The following ZPBP variants were observed in gnomAD, a reference collection of about 807,000 sequenced individuals.
The protein encoded by ZPBP is zona pellucida-binding protein 1.
A neutral mutation model predicts 44.8 loss-of-function variants in ZPBP; 26 were observed. That is an observed-to-expected ratio of 0.58 (90% CI 0.43 to 0.81). ZPBP has a LOEUF of 0.81. ZPBP is among the 30% of genes least tolerant of loss of function. The probability of loss-of-function intolerance (pLI) is 0.00; values close to 1 mark genes in which losing one functional copy is unlikely to be tolerated. For missense variants in ZPBP, 409 were observed against 434.0 expected (o/e 0.94, Z 0.51); for synonymous variants, 174 against 153.2 (o/e 1.14, Z -1.00).
At chr7:49,992,096 A>T (rs945969094) in intron 6 of ZPBP, among the ~76,000 whole-genome samples, 5 of 152,134 alleles carry the variant, frequency 3.3e-5, no homozygotes, top group Non-Finnish European at 7.4e-5. Flanking sequence ...GGATTCTTAG[A>T]GGGTGGTAGA....
intron 2 of ZPBP, among the ~76,000 whole-genome samples, chr7:49,874,271 T>C (rs1375899417): frequency 6.6e-6 from 1 of 152,242 alleles, no homozygotes; most frequent in Non-Finnish European, 1.5e-5. Context: ...AGAATTACAA[T>C]ACTGCATTTT....
At chr7:49,852,156 C>T (rs528076387) in intron 2 of ZPBP, among the ~76,000 whole-genome samples, 60 of 152,360 alleles carry the variant, frequency 3.9e-4, no homozygotes, top group Admixed American at 1.4e-3. Flanking sequence ...CAGAGCTGGT[C>T]TCTCTGCCCT....
At chr7:50,092,935 TTTC>T (rs1803065600) in intron 1 of ZPBP, 130 bp downstream of exon 1, 2 of 1,339,156 alleles carry the variant, frequency 1.5e-6, no homozygotes, top group Non-Finnish European at 2.0e-6. Context: ...AAAATAAGCC[TTTC>T]TTGTCACGTA....
intron 2 of ZPBP, among the ~76,000 whole-genome samples, chr7:49,889,875 G>C (rs1386718059): frequency 1.3e-5 from 2 of 152,136 alleles, no homozygotes; most frequent in Non-Finnish European, 2.9e-5. Flanking sequence ...GAAATAGGGA[G>C]ACCATCTGGC....
At chr7:50,046,456 A>G (rs1246721129) in intron 4 of ZPBP, among the ~76,000 whole-genome samples, 1 of 151,898 alleles carries the variant, frequency 6.6e-6, no homozygotes, top group East Asian at 1.9e-4. Flanking sequence ...TACAAGAAAA[A>G]AAAAATGGCC....
At chr7:50,011,467 C>T (rs1798580896) in intron 6 of ZPBP, among the ~76,000 whole-genome samples, 1 of 152,132 alleles carries the variant, frequency 6.6e-6, no homozygotes, top group South Asian at 2.1e-4. Context: ...ACTATGTGGT[C>T]CTTCACAAGG....
chr7:50,033,174 C>G (rs1457398296), intron 4 of ZPBP, among the ~76,000 whole-genome samples: 1 of 151,824 alleles, frequency 6.6e-6, no homozygotes, highest in Non-Finnish European at 1.5e-5. Flanking sequence ...AAAACATTTG[C>G]CTTTCTCTCT....
chr7:50,003,957 G>A (rs943378955), intron 6 of ZPBP, among the ~76,000 whole-genome samples: 1 of 151,828 alleles, frequency 6.6e-6, no homozygotes, highest in African/African-American at 2.4e-5. Flanking sequence ...AGAGAACATG[G>A]ATAGATGAAC....
At chr7:49,893,872 T>C (rs915154067) in intron 2 of ZPBP, among the ~76,000 whole-genome samples, 1 of 152,198 alleles carries the variant, frequency 6.6e-6, no homozygotes, top group African/African-American at 2.4e-5. Context: ...TTGGGAATTA[T>C]CTGTTGTTTA....
intron 5 of ZPBP, 23 bp from the exon 6 acceptor site, chr7:50,018,339 A>C: frequency 1.2e-5 from 18 of 1,468,706 alleles, no homozygotes; most frequent in Non-Finnish European, 1.7e-5. Context: ...ATTATATTTT[A>C]TCATGGGTAT....
chr7:50,047,297 A>T (rs898592754), intron 4 of ZPBP, among the ~76,000 whole-genome samples: 9 of 151,446 alleles, frequency 5.9e-5, no homozygotes, highest in Admixed American at 1.3e-4. Context: ...AACTATAATT[A>T]AAAAAAAAGA....
At chr7:49,888,360 A>G (rs1490070424) in intron 2 of ZPBP, among the ~76,000 whole-genome samples, 1 of 152,226 alleles carries the variant, frequency 6.6e-6, no homozygotes, top group Non-Finnish European at 1.5e-5. Flanking sequence ...TGATTTTCCT[A>G]AATTTAGTTC....
chr7:50,009,108 G>A (rs566459915), intron 6 of ZPBP, among the ~76,000 whole-genome samples: 9 of 151,726 alleles, frequency 5.9e-5, no homozygotes, highest in South Asian at 2.1e-4. Context: ...GCGGTGGCAC[G>A]TGTCTGTAAT....
chr7:49,917,865 C>T (rs1020548600), intron 1 of ZPBP: 1 of 151,894 alleles, frequency 6.6e-6, no homozygotes, highest in Non-Finnish European at 1.5e-5. Flanking sequence ...TTTTCCATTC[C>T]CTTTACTTTT....
intron 7 of ZPBP, among the ~76,000 whole-genome samples, chr7:49,967,665 A>G (rs1466676426): frequency 6.6e-6 from 1 of 151,884 alleles, no homozygotes; most frequent in Non-Finnish European, 1.5e-5. Flanking sequence ...TCCTGCCTCT[A>G]CCTCCTGACT....
chr7:50,043,516 G>A (rs1800196971), intron 4 of ZPBP, among the ~76,000 whole-genome samples: 3 of 152,028 alleles, frequency 2.0e-5, no homozygotes, highest in African/African-American at 7.2e-5. Context: ...AAAATAGCAG[G>A]GGTTACAATC....
At position 50,074,929 on chromosome 7, in the gene ZPBP, C is replaced by T. The variant is rs191770343; in HGVS notation, c.334+6845G>A. The stretch of plus-strand genomic sequence containing the variant: ...CTACAGACCAAATGCATCTAGTAGA[C>T]ATTTATAGACCATTTCATCTAAGAG... On this transcript the variant is annotated intron_variant, in intron 3 of 7. Transcript: ENST00000046087. Among the ~76,000 whole-genome samples the T allele has an allele frequency of 4.9e-4, 74 of 151,916 alleles. 1 individual carries two copies. Among genetic ancestry groups the T allele is most frequent in the Non-Finnish European group, 8.1e-4 (55 of 67,766 alleles).
intron 4 of ZPBP, among the ~76,000 whole-genome samples, chr7:50,043,780 T>C (rs1202398379): frequency 6.6e-6 from 1 of 152,148 alleles, no homozygotes. Flanking sequence ...TTAGCAAGGA[T>C]ATTCAGGACT....
chr7:50,009,234 CAAA>C (rs57312395), intron 6 of ZPBP, among the ~76,000 whole-genome samples: 2 of 125,200 alleles, frequency 1.6e-5, no homozygotes, highest in Non-Finnish European at 3.3e-5. Flanking sequence ...GACTCTGTCT[CAAA>C]AAAAAAAAAA....
Sources: gnomAD v4.1 joint callset for allele counts (sites outside exome capture counted in the v4.1 genomes callset) on GRCh38, gnomAD v4.1.1 for gene constraint, MANE v1.5 for transcripts, NCBI Gene and HGNC (gene_info 2026-07-23, HGNC 2026-07-21) for gene names.